The following SNX29 variants were observed in gnomAD, a reference collection of about 807,000 sequenced individuals.
SNX29 encodes sorting nexin-29.
Under a neutral mutation model 102.1 loss-of-function variants are expected in SNX29, and 78 were observed. The ratio of observed to expected loss-of-function variants is 0.76; its 90% CI spans 0.64 to 0.92. The LOEUF is 0.92. Among genes scored for constraint, SNX29 ranks in the 40% least tolerant of loss-of-function variants. SNX29 has a pLI of 0.00. For missense variants in SNX29, 1,280 were observed against 1,061.7 expected (o/e 1.21, Z -2.86); for synonymous variants, 580 against 414.5 (o/e 1.40, Z -4.85).
At chr16:12,297,565 C>T (rs2080023513) in intron 15 of SNX29, among the ~76,000 whole-genome samples, 1 of 151,848 alleles carries the variant, frequency 6.6e-6, no homozygotes, top group Non-Finnish European at 1.5e-5. Flanking sequence ...CTGAGGTGTC[C>T]TCAGCACCCC....
In SNX29 at chr16:12,502,494, A is replaced by G. The variant is rs139821937; in HGVS notation, c.2179-22208A>G. Among the ~76,000 whole-genome samples, 234 of 152,100 alleles carry G rather than the reference A, an allele frequency of 1.5e-3. 1 individual carries two copies. Among genetic ancestry groups the G allele is most frequent in the Admixed American group, 0.012 (187 of 15,288 alleles). ...ATTTCCTGACCAAAATGCCCTTTGAATGCCACCCCCCAACTCTGACTCTCA... is the reference window on the plus strand; with the variant it reads ...ATTTCCTGACCAAAATGCCCTTTGAGTGCCACCCCCCAACTCTGACTCTCA... On this transcript the variant is annotated intron_variant, in intron 19 of 20. Coordinates refer to ENST00000566228, the MANE Select transcript of SNX29 (RefSeq NM_032167.5).
intron 1 of SNX29, among the ~76,000 whole-genome samples, chr16:11,984,354 A>C (rs1293052832): frequency 7.2e-6 from 1 of 139,078 alleles, no homozygotes; most frequent in East Asian, 2.1e-4. Context: ...TGACAGAGCC[A>C]GACCCCTCAG....
intron 1 of SNX29, among the ~76,000 whole-genome samples, chr16:11,993,577 A>G (rs1273279820): frequency 1.3e-5 from 2 of 152,136 alleles, no homozygotes; most frequent in African/African-American, 4.8e-5. Context: ...CCCTCATTTT[A>G]TCGTCCGAAG....
chr16:12,210,175 G>C (rs1042638168), intron 14 of SNX29, among the ~76,000 whole-genome samples: 1 of 152,310 alleles, frequency 6.6e-6, no homozygotes, highest in East Asian at 1.9e-4. Context: ...CAGGGTGTGT[G>C]TGTGTCTTGG....
chr16:12,549,843 C>T (rs574778822), intron 20 of SNX29, among the ~76,000 whole-genome samples: 18 of 152,332 alleles, frequency 1.2e-4, no homozygotes, highest in Admixed American at 2.6e-4. Flanking sequence ...CCTCCTTGGC[C>T]GCATGACTGT....
At chr16:12,020,659 T>G (rs1252791988) in intron 3 of SNX29, among the ~76,000 whole-genome samples, 3 of 151,780 alleles carry the variant, frequency 2.0e-5, no homozygotes, top group African/African-American at 7.3e-5. Flanking sequence ...AGTCTCGCTC[T>G]GTCCCCCAGG....
chr16:12,124,119 AGGCCGAGG>A (rs2054102054), intron 11 of SNX29, among the ~76,000 whole-genome samples: 1 of 152,184 alleles, frequency 6.6e-6, no homozygotes, highest in African/African-American at 2.4e-5. Context: ...GCACTTTGGG[AGGCCGAGG>A]CATGTGGATC....
intron 13 of SNX29, among the ~76,000 whole-genome samples, chr16:12,172,756 C>G (rs1422255157): frequency 1.3e-5 from 2 of 152,070 alleles, no homozygotes; most frequent in African/African-American, 4.8e-5. Context: ...TCATGCCATT[C>G]TCGATTTAAG....
At chr16:12,566,442 G>A (rs1327130271) in intron 20 of SNX29, among the ~76,000 whole-genome samples, 2 of 152,070 alleles carry the variant, frequency 1.3e-5, no homozygotes, top group Admixed American at 1.3e-4. Context: ...CCCAAGCTCT[G>A]GTCATTGCAG....
At chr16:12,056,676 C>T (rs1438124094) in intron 8 of SNX29, among the ~76,000 whole-genome samples, 1 of 152,096 alleles carries the variant, frequency 6.6e-6, no homozygotes, top group East Asian at 1.9e-4. Context: ...GTCATTAACC[C>T]ATTCTTTGAT....
intron 18 of SNX29, among the ~76,000 whole-genome samples, chr16:12,446,645 A>C (rs2086067292): frequency 6.6e-6 from 1 of 152,116 alleles, no homozygotes; most frequent in Non-Finnish European, 1.5e-5. Context: ...TTCCTTGCAG[A>C]GTTTCATGGC....
At chr16:12,237,425 C>T (rs1209189301) in intron 14 of SNX29, among the ~76,000 whole-genome samples, 2 of 152,248 alleles carry the variant, frequency 1.3e-5, no homozygotes, top group African/African-American at 4.8e-5. Context: ...TCGTGTCTCT[C>T]TGACCATCAT....
At chr16:12,118,687 C>T (rs1029793844) in intron 11 of SNX29, among the ~76,000 whole-genome samples, 11 of 152,088 alleles carry the variant, frequency 7.2e-5, no homozygotes, top group Admixed American at 5.2e-4. Context: ...TTAAGAGACA[C>T]CCTCGACCCT....
At chr16:12,539,253 T>C (rs571889334) in intron 20 of SNX29, among the ~76,000 whole-genome samples, 1 of 152,296 alleles carries the variant, frequency 6.6e-6, no homozygotes, top group South Asian at 2.1e-4. Context: ...AAAAGCTGTT[T>C]TCCCCTCATT....
chr16:12,336,791 A>G (rs1263846758), intron 15 of SNX29, among the ~76,000 whole-genome samples: 1 of 152,184 alleles, frequency 6.6e-6, no homozygotes, highest in Non-Finnish European at 1.5e-5. Context: ...CTAAAATTGA[A>G]AAAAATTAGC....
At chr16:12,196,725 ATTC>A (rs2076785689) in intron 13 of SNX29, among the ~76,000 whole-genome samples, 1 of 151,140 alleles carries the variant, frequency 6.6e-6, no homozygotes, top group South Asian at 2.1e-4. Flanking sequence ...GGTTCAAGCA[ATTC>A]TTCTGCCTCA....
At chr16:12,209,033 T>C (rs998155781) in intron 14 of SNX29, among the ~76,000 whole-genome samples, 8 of 152,158 alleles carry the variant, frequency 5.3e-5, no homozygotes, top group African/African-American at 1.9e-4. Context: ...AGGGACCATG[T>C]TGTAGCTGCC....
chr16:12,325,922 A>G (rs770094002), intron 15 of SNX29, among the ~76,000 whole-genome samples: 12 of 152,028 alleles, frequency 7.9e-5, no homozygotes, highest in Admixed American at 2.6e-4. Context: ...TCGACTGTTC[A>G]GGGAGACTGA....
chr16:12,553,938 C>T (rs903900083), intron 20 of SNX29, among the ~76,000 whole-genome samples: 1 of 152,162 alleles, frequency 6.6e-6, no homozygotes, highest in South Asian at 2.1e-4. Flanking sequence ...AGCAATTCTC[C>T]TGCCTCAGCC....
Sources: allele counts gnomAD v4.1 joint callset (sites outside exome capture counted in the v4.1 genomes callset), GRCh38; gene constraint gnomAD v4.1.1; transcripts MANE v1.5; gene names NCBI Gene and HGNC (gene_info 2026-07-23, HGNC 2026-07-21).